The following GALNT13 variants were observed in gnomAD, a reference collection of about 807,000 sequenced individuals.
GALNT13 encodes UDP-GalNAc:polypeptide N-acetylgalactosaminyltransferase 13.
In GALNT13, 28 loss-of-function variants were observed where a neutral mutation model predicts 64.2. The observed-to-expected ratio is 0.44, with a 90% CI of 0.32 to 0.60. The LOEUF (loss-of-function observed/expected upper bound fraction) is 0.60, where lower values mean the gene tolerates loss of function less well. Among genes scored for constraint, GALNT13 ranks in the 20% least tolerant of loss-of-function variants. GALNT13 has a pLI of 0.05. For synonymous variants in GALNT13, 214 were observed against 224.6 expected (o/e 0.95, Z 0.42); for missense variants, 577 against 669.8 (o/e 0.86, Z 1.53).
chr2:153,414,691 T>A, the GALNT13 span, among the ~76,000 whole-genome samples: 1 of 152,220 alleles, frequency 6.6e-6, no homozygotes, highest in South Asian at 2.1e-4. Context: ...GAGATTAAAA[T>A]CTTACAATCT....
At chr2:154,141,303 C>A (rs200601797) in intron 4 of GALNT13, among the ~76,000 whole-genome samples, 2 of 152,000 alleles carry the variant, frequency 1.3e-5, no homozygotes, top group East Asian at 3.9e-4. Context: ...AATGAATTAA[C>A]CTTACATTAC....
chr2:154,304,885 A>C lies in GALNT13; in HGVS notation c.1156+3296A>C, dbSNP rs951831201. 4.6e-5 allele frequency among the ~76,000 whole-genome samples: 7 copies of C among 152,328 alleles called. No homozygotes were observed. The East Asian group carries it at 1.4e-3, about 29-fold the overall frequency. On this transcript the variant is annotated intron_variant, in intron 9 of 12. Coordinates refer to ENST00000392825, the MANE Select transcript of GALNT13 (RefSeq NM_052917.4). ...TCTAAGAACTTCCTAAAGGGCGTTT[A>C]TGTTTACGTGTGTCTCAGAGACAGT...
the GALNT13 span, among the ~76,000 whole-genome samples, chr2:153,325,505 G>T: frequency 1.3e-5 from 2 of 152,086 alleles, no homozygotes; most frequent in African/African-American, 4.8e-5. Flanking sequence ...CTTCAGTTCT[G>T]CTCTGATCTT....
At chr2:153,941,009 A>G (rs375647443) in intron 2 of GALNT13, among the ~76,000 whole-genome samples, 32 of 152,300 alleles carry the variant, frequency 2.1e-4, no homozygotes, top group African/African-American at 7.2e-4. Context: ...ATTTAACAAC[A>G]TAGTTACAAA....
At chr2:154,014,998 T>C (rs1696911042) in intron 3 of GALNT13, among the ~76,000 whole-genome samples, 1 of 152,170 alleles carries the variant, frequency 6.6e-6, no homozygotes. Flanking sequence ...ATTTCCCTTA[T>C]TGACATATAC....
chr2:154,232,239 A>T (rs1688955077), intron 4 of GALNT13, among the ~76,000 whole-genome samples: 1 of 152,168 alleles, frequency 6.6e-6, no homozygotes, highest in Admixed American at 6.5e-5. Context: ...GTGATATGAA[A>T]ATACAACTAG....
At chr2:153,494,733 C>T in the GALNT13 span, among the ~76,000 whole-genome samples, 1 of 151,594 alleles carries the variant, frequency 6.6e-6, no homozygotes, top group East Asian at 1.9e-4. Context: ...ATAAGTAATC[C>T]AAGAAAAAAA....
chr2:153,401,122 T>G, the GALNT13 span, among the ~76,000 whole-genome samples: 1 of 152,188 alleles, frequency 6.6e-6, no homozygotes, highest in Non-Finnish European at 1.5e-5. Context: ...TCTGGTATGT[T>G]GTGTCTTTGT....
the GALNT13 span, among the ~76,000 whole-genome samples, chr2:153,598,637 A>G: frequency 6.6e-6 from 1 of 152,118 alleles, no homozygotes; most frequent in Non-Finnish European, 1.5e-5. Context: ...TGCCTGGCAC[A>G]TTGTAAGTAC....
chr2:153,506,460 G>C, the GALNT13 span, among the ~76,000 whole-genome samples: 1 of 151,996 alleles, frequency 6.6e-6, no homozygotes, highest in Non-Finnish European at 1.5e-5. Flanking sequence ...TTTAAGTAGG[G>C]TCTATTTTGC....
chr2:153,945,936 T>C (rs1246026848), intron 3 of GALNT13, among the ~76,000 whole-genome samples: 1 of 152,178 alleles, frequency 6.6e-6, no homozygotes, highest in Non-Finnish European at 1.5e-5. Context: ...TGCAAGTGAC[T>C]GATGCTAGAC....
At chr2:153,150,821 CATTGGTTTAT>C in the GALNT13 span, among the ~76,000 whole-genome samples, 1 of 152,084 alleles carries the variant, frequency 6.6e-6, no homozygotes, top group East Asian at 1.9e-4. Context: ...TGTTCTGTTC[CATTGGTTTAT>C]ATCTCTGTTT....
chr2:153,093,951 A>C, the GALNT13 span, among the ~76,000 whole-genome samples: 2 of 152,030 alleles, frequency 1.3e-5, no homozygotes, highest in Admixed American at 6.6e-5. Flanking sequence ...TAGATTTTCT[A>C]ATTTATTAGC....
At chr2:153,559,546 T>G in the GALNT13 span, among the ~76,000 whole-genome samples, 2 of 152,166 alleles carry the variant, frequency 1.3e-5, no homozygotes, top group Non-Finnish European at 2.9e-5. Flanking sequence ...GACATCCTGA[T>G]TGTGCTCTGT....
At chr2:153,934,078 G>A (rs1434285659) in intron 2 of GALNT13, among the ~76,000 whole-genome samples, 1 of 152,054 alleles carries the variant, frequency 6.6e-6, no homozygotes, top group African/African-American at 2.4e-5. Flanking sequence ...TCTTGGGGAT[G>A]GTCATCTTTT....
At chr2:153,099,917 G>A in the GALNT13 span, among the ~76,000 whole-genome samples, 2 of 152,174 alleles carry the variant, frequency 1.3e-5, no homozygotes, top group African/African-American at 4.8e-5. Context: ...ATTGAAAGGA[G>A]TACAGAAGGT....
At chr2:154,037,736 A>G (rs557009684) in intron 3 of GALNT13, among the ~76,000 whole-genome samples, 1 of 152,344 alleles carries the variant, frequency 6.6e-6, no homozygotes, top group Non-Finnish European at 1.5e-5. Flanking sequence ...AAAAGAAGTC[A>G]AGAAAGTAAT....
At chr2:153,612,317 A>G in the GALNT13 span, among the ~76,000 whole-genome samples, 1 of 152,122 alleles carries the variant, frequency 6.6e-6, no homozygotes, top group Non-Finnish European at 1.5e-5. Flanking sequence ...ATACCATTTG[A>G]CCCAGAAATC....
chr2:153,146,119 T>C, the GALNT13 span, among the ~76,000 whole-genome samples: 2 of 151,682 alleles, frequency 1.3e-5, no homozygotes, highest in African/African-American at 2.4e-5. Flanking sequence ...GCACCATGCT[T>C]CCTCTCCCTG....
Sources: allele counts gnomAD v4.1 joint callset (sites outside exome capture counted in the v4.1 genomes callset), GRCh38; gene constraint gnomAD v4.1.1; transcripts MANE v1.5; gene names NCBI Gene and HGNC (gene_info 2026-07-23, HGNC 2026-07-21).